The following BTBD9 variants were observed in gnomAD, a reference collection of about 807,000 sequenced individuals.
The protein encoded by BTBD9 is BTB domain containing 9.
In BTBD9, 49 loss-of-function variants were observed where a neutral mutation model predicts 64.3. That is an observed-to-expected ratio of 0.76 (90% confidence interval 0.61 to 0.97). The LOEUF (loss-of-function observed/expected upper bound fraction) is 0.97, where lower values mean the gene tolerates loss of function less well. BTBD9 is among the 50% of genes least tolerant of loss of function. The probability of loss-of-function intolerance (pLI) is 0.00; values close to 1 mark genes in which losing one functional copy is unlikely to be tolerated. For missense variants in BTBD9, 598 were observed against 762.1 expected (o/e 0.78, Z 2.53); for synonymous variants, 260 against 274.7 (o/e 0.95, Z 0.53).
intron 6 of BTBD9, among the ~76,000 whole-genome samples, chr6:38,373,052 G>A (rs1477561711): frequency 6.6e-6 from 1 of 152,140 alleles, no homozygotes; most frequent in Non-Finnish European, 1.5e-5. Context: ...GGCTGTGTGT[G>A]TGGTGACCAG....
intron 8 of BTBD9, among the ~76,000 whole-genome samples, chr6:38,262,613 T>C (rs1245264624): frequency 6.6e-6 from 1 of 152,190 alleles, no homozygotes; most frequent in Admixed American, 6.5e-5. Context: ...GATACAAAAT[T>C]CAATAGCGAA....
chr6:38,581,531 T>C (rs1003085750), intron 4 of BTBD9, among the ~76,000 whole-genome samples: 12 of 152,208 alleles, frequency 7.9e-5, no homozygotes, highest in African/African-American at 2.4e-4. Context: ...CCACCAATTG[T>C]GCCTGGGACT....
intron 7 of BTBD9, among the ~76,000 whole-genome samples, chr6:38,319,492 T>C (rs1763152699): frequency 1.3e-5 from 2 of 151,814 alleles, no homozygotes; most frequent in Admixed American, 6.6e-5. Flanking sequence ...AAGGGCACTT[T>C]AGTCAGCACG....
At chr6:38,464,069 T>A (rs1770229000) in intron 6 of BTBD9, among the ~76,000 whole-genome samples, 1 of 151,928 alleles carries the variant, frequency 6.6e-6, no homozygotes, top group African/African-American at 2.4e-5. Flanking sequence ...TTCGTTAGGG[T>A]AGGCTCTAAT....
rs59014161 is a variant in BTBD9, at chr6:38,505,964, CAAAAA to C, written c.1154+71631_1154+71635del. Among the ~76,000 whole-genome samples the C allele has an allele frequency of 5.0e-4, 41 of 82,656 alleles. 1 individual carries two copies. Among genetic ancestry groups the C allele is most frequent in the South Asian group, 1.9e-3 (4 of 2,052 alleles). The allele number at this position is 82,656 out of a possible 152,430, so 54.2% of individuals were successfully genotyped here. A position where few individuals can be genotyped will look rare whatever the true frequency, so the allele number is the denominator to read the frequency against. ...TGGCAACAGCATGGCTCCGTCTCAA[CAAAAA>C]AAAAAAAAAAAAAAAGGAACTCTTA... On this transcript the variant is annotated intron_variant, in intron 6 of 10. Coordinates refer to ENST00000481247, the MANE Select transcript of BTBD9 (RefSeq NM_001099272.2).
At chr6:38,589,344 C>T (rs1313946810) in intron 4 of BTBD9, among the ~76,000 whole-genome samples, 1 of 152,218 alleles carries the variant, frequency 6.6e-6, no homozygotes, top group Non-Finnish European at 1.5e-5. Context: ...AATCCTCACT[C>T]CTGCAAACAT....
chr6:38,561,382 G>A (rs568532197), intron 6 of BTBD9, among the ~76,000 whole-genome samples: 1 of 152,182 alleles, frequency 6.6e-6, no homozygotes, highest in African/African-American at 2.4e-5. Flanking sequence ...ACTGTGGAAA[G>A]CAGTTTGGAG....
chr6:38,460,227 G>A (rs1414178832), intron 6 of BTBD9, among the ~76,000 whole-genome samples: 1 of 152,142 alleles, frequency 6.6e-6, no homozygotes, highest in Non-Finnish European at 1.5e-5. Flanking sequence ...TAATACATGA[G>A]TTTCTCTGTA....
chr6:38,529,257 A>G (rs1773668774), intron 6 of BTBD9, among the ~76,000 whole-genome samples: 1 of 151,884 alleles, frequency 6.6e-6, no homozygotes, highest in Non-Finnish European at 1.5e-5. Context: ...GCAGAGAGAG[A>G]CTCCATTTGT....
At chr6:38,207,967 G>A (rs1169650247) in intron 9 of BTBD9, among the ~76,000 whole-genome samples, 1 of 152,032 alleles carries the variant, frequency 6.6e-6, no homozygotes, top group Non-Finnish European at 1.5e-5. Context: ...AACTGTCCAT[G>A]TATAACTTTG....
chr6:38,294,530 C>T (rs9349067), intron 7 of BTBD9, among the ~76,000 whole-genome samples: 108,079 of 151,976 alleles, frequency 0.71, 39,091 homozygotes, highest in African/African-American at 0.85. Flanking sequence ...GAAATCATCA[C>T]TCTCAGCAAA....
chr6:38,388,219 CA>C (rs35755281), intron 6 of BTBD9, among the ~76,000 whole-genome samples: 2,747 of 102,480 alleles, frequency 0.027, 55 homozygotes, highest in African/African-American at 0.067. Flanking sequence ...CTGCCCCTGA[CA>C]AAAAAAAAAA....
At chr6:38,177,440 A>G (rs1303924001) in intron 10 of BTBD9, among the ~76,000 whole-genome samples, 1 of 152,184 alleles carries the variant, frequency 6.6e-6, no homozygotes, top group Non-Finnish European at 1.5e-5. Context: ...ATCTGACTCA[A>G]GGACCAAGGC....
chr6:38,494,173 CAAAGTTCA>C (rs1771834196), intron 6 of BTBD9, among the ~76,000 whole-genome samples: 1 of 152,216 alleles, frequency 6.6e-6, no homozygotes, highest in South Asian at 2.1e-4. Flanking sequence ...TTTCAAAGGA[CAAAGTTCA>C]GTAGCAAATC....
intron 6 of BTBD9, among the ~76,000 whole-genome samples, chr6:38,369,721 C>T (rs541186160): frequency 6.6e-6 from 1 of 152,328 alleles, no homozygotes; most frequent in African/African-American, 2.4e-5. Flanking sequence ...CTCTGCTGCC[C>T]TTCTGGTGCC....
intron 6 of BTBD9, among the ~76,000 whole-genome samples, chr6:38,385,136 T>C (rs1286451847): frequency 6.7e-6 from 1 of 149,078 alleles, no homozygotes; most frequent in African/African-American, 2.5e-5. Flanking sequence ...AATATCTGTT[T>C]ATTTCACTTA....
At chr6:38,278,487 T>C (rs972358314) in intron 8 of BTBD9, among the ~76,000 whole-genome samples, 1 of 152,232 alleles carries the variant, frequency 6.6e-6, no homozygotes, top group Non-Finnish European at 1.5e-5. Flanking sequence ...AACCATAAGA[T>C]GTGATGGCTC....
chr6:38,429,410 G>T (rs1379196694), intron 6 of BTBD9, among the ~76,000 whole-genome samples: 1 of 145,782 alleles, frequency 6.9e-6, no homozygotes, highest in Non-Finnish European at 1.5e-5. Flanking sequence ...AGCCGAGATC[G>T]CACCATCGCA....
chr6:38,295,411 C>G (rs1582181224), intron 7 of BTBD9, among the ~76,000 whole-genome samples: 1 of 152,152 alleles, frequency 6.6e-6, no homozygotes, highest in Non-Finnish European at 1.5e-5. Flanking sequence ...AGCAATCCTC[C>G]TGCTTCAGCT....
Sources: gnomAD v4.1 joint callset for allele counts (sites outside exome capture counted in the v4.1 genomes callset) on GRCh38, gnomAD v4.1.1 for gene constraint, MANE v1.5 for transcripts, NCBI Gene and HGNC (gene_info 2026-07-23, HGNC 2026-07-21) for gene names.